Variants in NEFH observed in about 807,000 individuals in gnomAD.
NEFH encodes neurofilament heavy chain.
Under a neutral mutation model 56.6 loss-of-function variants are expected in NEFH, and 58 were observed. The observed-to-expected ratio is 1.03, with a 90% CI of 0.83 to 1.28. The LOEUF is 1.28. Ranked by LOEUF, NEFH falls within the 50% of genes most tolerant of loss-of-function variation. The pLI, the probability that NEFH is intolerant of heterozygous loss-of-function variation, is 0.00. For synonymous variants in NEFH, 542 were observed against 545.8 expected (o/e 0.99, Z 0.10); for missense variants, 1,221 against 1,307.6 (o/e 0.93, Z 1.02).
Position 29,481,122 on chromosome 22 carries a change from T to A in NEFH, c.860T>A (p.Leu287Gln), listed in dbSNP as rs2063005794. 2 of 1,521,894 alleles carry A rather than the reference T, an allele frequency of 1.3e-6. No homozygotes were observed. Among genetic ancestry groups the A allele is most frequent in the East Asian group, 2.5e-5 (1 of 39,882 alleles). The allele number at this position is 1,521,894 out of a possible 1,614,324, so 94.3% of individuals were successfully genotyped here. A position where few individuals can be genotyped will look rare whatever the true frequency, so the allele number is the denominator to read the frequency against. The change falls in exon 1 of 4, where the codon CTG (leucine) becomes CAG (glutamine). Residue 287 changes from leucine to glutamine, a missense_variant. Leu to Gln is a moderately radical substitution (Grantham distance 113). This residue lies in a region of NEFH where 640 missense variants were observed against 555.5 expected (regional missense o/e 1.15). Coordinates refer to ENST00000310624, the MANE Select transcript of NEFH (RefSeq NM_021076.4). ...QLEGHAVQST[L>Q]QSEEWFRVRL... ...GAAGGCCACGCGGTGCAGAGCACGC[T>A]GCAGTCCGAGGAGTGGTTCCGAGGT...
Position 29,481,115 on chromosome 22 carries a change from A to G in NEFH, c.853A>G (p.Ser285Gly). 1 of 1,527,800 alleles carries G rather than the reference A, an allele frequency of 6.5e-7. No individual in the cohort carries two copies. Among genetic ancestry groups the G allele is most frequent in the Non-Finnish European group, 8.7e-7 (1 of 1,144,214 alleles). 94.6% of individuals were successfully genotyped at this position (1,527,800 alleles called of 1,614,324 possible). ...RAQLEGHAVQSTLQSEEWFRV... is the reference protein window; with the variant it reads ...RAQLEGHAVQGTLQSEEWFRV... ...GCAGCTTGAAGGCCACGCGGTGCAGAGCACGCTGCAGTCCGAGGAGTGGTT... is the reference window on the plus strand; with the variant it reads ...GCAGCTTGAAGGCCACGCGGTGCAGGGCACGCTGCAGTCCGAGGAGTGGTT... Residue 285 changes from serine (S) to glycine (G), a missense_variant, in exon 1 of 4, where the codon AGC becomes GGC. This residue lies in a region of NEFH where 640 missense variants were observed against 555.5 expected (regional missense o/e 1.15). Coordinates refer to ENST00000310624, the MANE Select transcript of NEFH (RefSeq NM_021076.4).
chr22:29,490,264 A>G lies in NEFH; in HGVS notation c.2624A>G (p.Glu875Gly). The G allele has an allele frequency of 1.2e-6, 2 of 1,611,460 alleles. No homozygotes were observed. The highest frequency in any genetic ancestry group is 2.2e-5 in the South Asian group (2 of 90,834). The stretch of plus-strand genomic sequence containing the variant: ...AAGGAGGCTCCAAAGCCCAAGGTGG[A>G]GGAGAAGAAGGAACCTGCTGTCGAA... ...PKKEAPKPKV[E>G]EKKEPAVEKP... Residue 875 changes from glutamate to glycine, a missense_variant, in exon 4 of 4, where the codon GAG (glutamate) becomes GGG (glycine). By Grantham distance (98) the Glu-to-Gly change is moderately conservative. This residue lies in a region of NEFH where 301 missense variants were observed against 346.6 expected (regional missense o/e 0.87). Coordinates refer to ENST00000310624, the MANE Select transcript of NEFH (RefSeq NM_021076.4).
At chr22:29,483,768 GAAAAA>G (rs361680) in intron 2 of NEFH, among the ~76,000 whole-genome samples, 194 bp downstream of exon 2, 3 of 56,694 alleles carry the variant, frequency 5.3e-5, no homozygotes, top group African/African-American at 5.3e-5. Context: ...TTCCAGCCAT[GAAAAA>G]AAAAAAAAAA....
intron 1 of NEFH, 103 bp from the exon 2 acceptor site, chr22:29,483,272 G>A (rs369835584): frequency 5.8e-5 from 60 of 1,039,938 alleles, no homozygotes; most frequent in African/African-American, 4.9e-4. Context: ...GCGAGAATCC[G>A]TCTCAAAAAA....
chr22:29,481,289 G>T, intron 1 of NEFH, 144 bp downstream of exon 1: 1 of 804,808 alleles, frequency 1.2e-6, no homozygotes, highest in Non-Finnish European at 1.9e-6. Context: ...CATGCCCCTA[G>T]TTAAATCGCA....
Position 29,480,622 on chromosome 22 carries a change from G to A in NEFH, c.360G>A (p.Ala120=). 4 of 1,563,178 alleles carry A rather than the reference G, an allele frequency of 2.6e-6. No individual in the cohort carries two copies. Among genetic ancestry groups the A allele is most frequent in the African/African-American group, 1.3e-5 (1 of 74,416 alleles). Residue 120 remains alanine (A), a synonymous_variant, in exon 1 of 4, where the codon GCG becomes GCA. Coordinates refer to ENST00000310624, the MANE Select transcript of NEFH (RefSeq NM_021076.4). The part of the protein sequence containing the change: ...GYIDKVRQLE[A]HNRSLEGEAA... ...TCGACAAGGTGCGGCAGCTGGAGGCGCACAACCGCAGCCTGGAGGGCGAGG... is the reference window on the plus strand; with the variant it reads ...TCGACAAGGTGCGGCAGCTGGAGGCACACAACCGCAGCCTGGAGGGCGAGG...
intron 3 of NEFH, 140 bp from the exon 4 acceptor site, chr22:29,488,709 A>C: frequency 1.2e-6 from 1 of 820,382 alleles, no homozygotes; most frequent in Admixed American, 2.0e-5. Flanking sequence ...CTCTAGTCTC[A>C]TAATGCCCAC....
rs566195515 is a variant in NEFH at position 29,488,357 on chromosome 22, T to C, written c.1209-492T>C. On this transcript the variant is annotated intron_variant, in intron 3 of 3. Transcript: ENST00000310624. ...GAGATTGTACCACTGGACTCCAGCC[T>C]AGGTGACAGAGCAAGACTCCGTCTC... Among the ~76,000 whole-genome samples the C allele has an allele frequency of 3.3e-5, 5 of 151,820 alleles. No individual in the cohort carries two copies. In the South Asian group the frequency reaches 1.0e-3, roughly 32 times the overall value.
chr22:29,480,943 C>T lies in NEFH; in HGVS notation c.681C>T (p.Cys227=). 1.3e-6 allele frequency: 2 copies of T among 1,529,618 alleles called. No homozygotes were observed. Among genetic ancestry groups the T allele is most frequent in the African/African-American group, 1.4e-5 (1 of 72,068 alleles). The allele number at this position is 1,529,618 out of a possible 1,614,324, so 94.8% of individuals were successfully genotyped here. A position where few individuals can be genotyped will look rare whatever the true frequency, so the allele number is the denominator to read the frequency against. ...AGGCGCAGGCGCTGCAGGAGGAGTG[C>T]GGCTACCTGCGGCGCCACCACCAGG... ...QKKAQALQEE[C]GYLRRHHQEE... The change falls in exon 1 of 4, where the codon TGC becomes TGT. Residue 227 remains cysteine, a synonymous_variant. Coordinates refer to ENST00000310624, the MANE Select transcript of NEFH (RefSeq NM_021076.4).
rs866162899 is a variant in NEFH, at chr22:29,490,650, G to C, written c.3010G>C (p.Asp1004His). The change falls in exon 4 of 4, where the codon GAC becomes CAC. Residue 1004 changes from aspartate to histidine, a missense_variant. Asp to His is a moderately conservative substitution (Grantham distance 81). Coordinates refer to ENST00000310624, the MANE Select transcript of NEFH (RefSeq NM_021076.4). Reference protein sequence around the residue: ...AEKSSSTDQKDSKPPEKATED... With the variant: ...AEKSSSTDQKHSKPPEKATED... Reference sequence around the variant, plus strand: ...AAAATCCTCCAGCACAGACCAAAAAGACAGCAAGCCTCCAGAGAAGGCCAC... The same window carrying C: ...AAAATCCTCCAGCACAGACCAAAAACACAGCAAGCCTCCAGAGAAGGCCAC... The C allele has an allele frequency of 2.5e-6, 4 of 1,614,112 alleles. No individual in the cohort carries two copies. Among genetic ancestry groups the C allele is most frequent in the Non-Finnish European group, 3.4e-6 (4 of 1,180,028 alleles).
At position 29,483,378 on chromosome 22, in the gene NEFH, G is replaced by C; in HGVS notation, c.887G>C (p.Arg296Thr). 2 of 1,613,828 alleles carry C rather than the reference G, an allele frequency of 1.2e-6. No homozygotes were observed. Among genetic ancestry groups the C allele is most frequent in the Non-Finnish European group, 1.7e-6 (2 of 1,180,028 alleles). The change falls in exon 2 of 4, where the codon AGG becomes ACG. Residue 296 changes from arginine to threonine, a missense_variant. Transcript: ENST00000310624. ...TLQSEEWFRV[R>T]LDRLSEAAKV... ...GCCCTGCTACCTTCTCCCCCAGTGAGGCTGGACCGACTGTCGGAGGCAGCC... is the reference window on the plus strand; with the variant it reads ...GCCCTGCTACCTTCTCCCCCAGTGACGCTGGACCGACTGTCGGAGGCAGCC...
In NEFH at chr22:29,481,134, A is replaced by G. The variant is rs1324466799; in HGVS notation, c.872A>G (p.Glu291Gly). Residue 291 changes from glutamate to glycine, a missense_variant, in exon 1 of 4, where the codon GAG becomes GGG. By Grantham distance (98) the Glu-to-Gly change is moderately conservative. Transcript: ENST00000310624. The stretch of plus-strand genomic sequence containing the variant: ...GTGCAGAGCACGCTGCAGTCCGAGG[A>G]GTGGTTCCGAGGTACGCAGGCGCGC... ...HAVQSTLQSE[E>G]WFRVRLDRLS... 1 of 1,482,614 alleles carries G rather than the reference A, an allele frequency of 6.7e-7. No individual in the cohort carries two copies. The highest frequency in any genetic ancestry group is 1.5e-5 in the African/African-American group (1 of 66,254). The allele number at this position is 1,482,614 out of a possible 1,614,324, so 91.8% of individuals were successfully genotyped here. A position where few individuals can be genotyped will look rare whatever the true frequency, so the allele number is the denominator to read the frequency against.
At chr22:29,488,781 C>G in intron 3 of NEFH, 68 bp from the exon 4 acceptor site, 1 of 1,473,816 alleles carries the variant, frequency 6.8e-7, no homozygotes, top group Admixed American at 1.7e-5. Context: ...TCAGGATAGT[C>G]TAGGAAGAAC....
rs1191680062 is a variant in NEFH, at chr22:29,480,533, G to T, written c.271G>T (p.Val91Leu). 3 of 1,537,282 alleles carry T rather than the reference G, an allele frequency of 2.0e-6. No individual in the cohort carries two copies. In the African/African-American group the frequency reaches 4.1e-5, roughly 21 times the overall value. Reference protein sequence around the residue: ...SNGPEGCMVAVATSRSEKEQL... With the variant: ...SNGPEGCMVALATSRSEKEQL... ...CGGGCCGGAGGGCTGCATGGTGGCG[G>T]TGGCCACCTCACGCAGTGAGAAGGA... Residue 91 changes from valine (V) to leucine (L), a missense_variant, in exon 1 of 4, where the codon GTG (valine) becomes TTG (leucine). Physicochemically the swap from Val to Leu is conservative, Grantham distance 32. Transcript: ENST00000310624.
chr22:29,481,622 C>T (rs1411923747), intron 1 of NEFH, among the ~76,000 whole-genome samples: 1 of 152,240 alleles, frequency 6.6e-6, no homozygotes, highest in African/African-American at 2.4e-5. Context: ...CAGGCTCCTT[C>T]CCACTACCTG....
intron 3 of NEFH, among the ~76,000 whole-genome samples, chr22:29,486,519 CTTTT>C (rs362163): frequency 0.031 from 3,150 of 102,528 alleles, 65 homozygotes; most frequent in African/African-American, 0.12. Context: ...AGACATGAGT[CTTTT>C]TTTTTTTTTT....
intron 2 of NEFH, among the ~76,000 whole-genome samples, chr22:29,484,265 C>G (rs900069518): frequency 2.0e-5 from 3 of 152,232 alleles, no homozygotes; most frequent in Admixed American, 6.5e-5. Context: ...CTAGGTTGGT[C>G]TTGGTCGCAG....
chr22:29,485,897 G>A lies in NEFH; in HGVS notation c.1208+50G>A, dbSNP rs529431783. Reference sequence around the variant, plus strand: ...TGGTGAAGAAAGCTTGTGTTCCTGCGAGACGCTAAGCCTTGGGTTTCAAGA... The same window carrying A: ...TGGTGAAGAAAGCTTGTGTTCCTGCAAGACGCTAAGCCTTGGGTTTCAAGA... On this transcript the variant is annotated intron_variant, in intron 3 of 3. Transcript: ENST00000310624. 1.4e-5 allele frequency: 22 copies of A among 1,609,164 alleles called. No individual in the cohort carries two copies. In the East Asian group the frequency reaches 1.8e-4, roughly 13 times the overall value.
intron 3 of NEFH, among the ~76,000 whole-genome samples, chr22:29,488,205 A>G (rs2063054753): frequency 6.6e-6 from 1 of 152,176 alleles, no homozygotes; most frequent in Non-Finnish European, 1.5e-5. Context: ...CTCTACTAAA[A>G]ATACAAAAAT....
Sources: allele counts gnomAD v4.1 joint callset (sites outside exome capture counted in the v4.1 genomes callset), GRCh38; gene constraint gnomAD v4.1.1; regional missense constraint gnomAD v4.1.1; transcripts MANE v1.5; gene names NCBI Gene and HGNC (gene_info 2026-07-23, HGNC 2026-07-21).